The following SCYL3 variants were observed in gnomAD, a reference collection of about 807,000 sequenced individuals.
The protein encoded by SCYL3 is SCY1 like pseudokinase 3.
In SCYL3, 35 loss-of-function variants were observed where a neutral mutation model predicts 73.8. The observed-to-expected ratio is 0.47, with a 90% confidence interval of 0.36 to 0.63. The LOEUF (loss-of-function observed/expected upper bound fraction) is 0.63, where lower values mean the gene tolerates loss of function less well. Among genes scored for constraint, SCYL3 ranks in the 20% least tolerant of loss-of-function variants. SCYL3 has a pLI of 0.00. For missense variants in SCYL3, 712 were observed against 798.9 expected, an observed-to-expected ratio of 0.89 and a Z score of 1.31; for synonymous variants, 277 against 295.2, an observed-to-expected ratio of 0.94 and a Z score of 0.63.
intron 8 of SCYL3, among the ~76,000 whole-genome samples, 178 bp from the exon 9 acceptor site, chr1:169,864,686 G>T (rs1220921309): frequency 6.6e-6 from 1 of 152,178 alleles, no homozygotes; most frequent in Non-Finnish European, 1.5e-5. Flanking sequence ...GTGGCTGGGT[G>T]CAGTGGCTCA....
chr1:169,854,941 T>C lies in SCYL3; in HGVS notation c.1336A>G (p.Lys446Glu). ...TCTGAGAGTCCATTTATGGGAAATT[T>C]AATAGGCTGAGAAAATGGATCGCCT... ...LEGDPFSQPI[K>E]FPINGLSDVK... Residue 446 changes from lysine (K) to glutamate (E), a missense_variant, in exon 12 of 13, where the codon AAA (lysine) becomes GAA (glutamate). Physicochemically the swap from Lys to Glu is moderately conservative, Grantham distance 56. This residue lies in a region of SCYL3 where 370 missense variants were observed against 350.8 expected (regional missense o/e 1.05). Transcript: ENST00000367771. The C allele has an allele frequency of 1.9e-6, 3 of 1,608,136 alleles. No homozygotes were observed. Among genetic ancestry groups the C allele is most frequent in the Non-Finnish European group, 2.5e-6 (3 of 1,177,394 alleles).
In SCYL3 at chr1:169,876,094, G is replaced by GT; in HGVS notation, c.352-4_352-3insA. On this transcript the variant is annotated splice_region_variant and splice_polypyrimidine_tract_variant and intron_variant, in intron 3 of 12. Coordinates refer to ENST00000367771, the MANE Select transcript of SCYL3 (RefSeq NM_020423.7). The stretch of plus-strand genomic sequence containing the variant: ...ACATTATTGTGTGTTAGGTGTCCCT[G>GT]GAAAAAAAAAAGAACAGAAGGAAGA... 1 of 1,533,136 alleles carries GT rather than the reference G, an allele frequency of 6.5e-7. No homozygotes were observed. The highest frequency in any genetic ancestry group is 8.8e-7 in the Non-Finnish European group (1 of 1,137,318). 95.0% of individuals were successfully genotyped at this position (1,533,136 alleles called of 1,614,324 possible). A position where few individuals can be genotyped will look rare whatever the true frequency, so the allele number is the denominator to read the frequency against.
At chr1:169,878,488 G>A (rs1209506852) in intron 3 of SCYL3, 146 bp downstream of exon 3, 2 of 662,236 alleles carry the variant, frequency 3.0e-6, no homozygotes, top group Non-Finnish European at 4.9e-6. Flanking sequence ...CTTCCAACAT[G>A]CTATTTTTCC....
At chr1:169,856,562 C>T (rs1270800030) in intron 11 of SCYL3, among the ~76,000 whole-genome samples, 1 of 152,104 alleles carries the variant, frequency 6.6e-6, no homozygotes, top group Non-Finnish European at 1.5e-5. Flanking sequence ...GATTAGGTCC[C>T]CAGCTCTCTT....
Position 169,851,808 on chromosome 1 carries a change from C to A in SCYL3, c.*1905G>T. On this transcript the variant is annotated 3_prime_UTR_variant, in exon 13 of 13. Transcript: ENST00000367771. Reference sequence around the variant, plus strand: ...TGCTATTTGCTTGGTTTTTCATGGTCCCTGGCAGACTGGGTTTGTAGATGA... The same window carrying A: ...TGCTATTTGCTTGGTTTTTCATGGTACCTGGCAGACTGGGTTTGTAGATGA... The A allele has an allele frequency of 6.2e-7, 1 of 1,612,938 alleles. No homozygotes were observed. The highest frequency in any genetic ancestry group is 1.1e-5 in the South Asian group (1 of 90,896).
rs1369392525 is a variant in SCYL3, at chr1:169,868,993, A to T, written c.672T>A (p.Thr224=). ...LSSFQQTLHS[T]LLNPIPKCRP... ...GACATTTTGGAATGGGATTCAGCAA[A>T]GTTGAGTGCAAGGTCTGTTGAAAGC... The change falls in exon 7 of 13, where the codon ACT becomes ACA. Residue 224 remains threonine, a synonymous_variant. Coordinates refer to ENST00000367771, the MANE Select transcript of SCYL3 (RefSeq NM_020423.7). 1 of 1,614,194 alleles carries T rather than the reference A, an allele frequency of 6.2e-7. No homozygotes were observed.
chr1:169,881,012 T>A (rs2102197305), intron 2 of SCYL3, among the ~76,000 whole-genome samples: 1 of 152,316 alleles, frequency 6.6e-6, no homozygotes, highest in South Asian at 2.1e-4. Flanking sequence ...TCCGCCCACC[T>A]CAGCCTCCCC....
chr1:169,854,821 T>C lies in SCYL3; in HGVS notation c.1456A>G (p.Asn486Asp). ...CAAATCTGTATGTTGACAGTTTGAT[T>C]TTCAGGCTCCTCAGGTTCACTCCAG... ...PDWSEPEEPE[N>D]QTVNIQIWPR... Residue 486 changes from asparagine to aspartate, a missense_variant, in exon 12 of 13, where the codon AAT becomes GAT. Asn to Asp is a conservative substitution (Grantham distance 23). This residue lies in a region of SCYL3 where 370 missense variants were observed against 350.8 expected (regional missense o/e 1.05). Transcript: ENST00000367771. The C allele has an allele frequency of 6.2e-7, 1 of 1,614,028 alleles. No homozygotes were observed. The highest frequency in any genetic ancestry group is 8.5e-7 in the Non-Finnish European group (1 of 1,179,942).
chr1:169,882,453 G>A lies in SCYL3; in HGVS notation c.166-3634C>T, dbSNP rs535415792. 5.9e-5 allele frequency among the ~76,000 whole-genome samples: 9 copies of A among 152,274 alleles called. No homozygotes were observed. The East Asian group carries it at 1.2e-3, about 20-fold the overall frequency. ...TGACCAGCGCCGCCCCCTGCTCCAC[G>A]GAGCCCAGTCCCATCGACCACCCAA... On this transcript the variant is annotated intron_variant, in intron 2 of 12. Transcript: ENST00000367771.
intron 5 of SCYL3, among the ~76,000 whole-genome samples, chr1:169,872,535 C>G (rs1314367767): frequency 6.6e-6 from 1 of 152,204 alleles, no homozygotes; most frequent in Admixed American, 6.5e-5. Context: ...CCTAATGGAG[C>G]TGTGAGAAGG....
intron 2 of SCYL3, among the ~76,000 whole-genome samples, chr1:169,882,667 C>T (rs954350581): frequency 5.3e-5 from 8 of 152,184 alleles, no homozygotes; most frequent in African/African-American, 9.7e-5. Flanking sequence ...GGTTTGCAAA[C>T]ACACCAATCA....
intron 8 of SCYL3, among the ~76,000 whole-genome samples, chr1:169,866,591 T>C (rs1660046376): frequency 1.3e-5 from 2 of 152,216 alleles, no homozygotes; most frequent in African/African-American, 4.8e-5. Flanking sequence ...CATTTGTTCA[T>C]GTTGCCCCTC....
intron 7 of SCYL3, 126 bp downstream of exon 7, chr1:169,868,802 A>G (rs984668040): frequency 8.1e-6 from 5 of 620,734 alleles, no homozygotes; most frequent in South Asian, 8.0e-5. Flanking sequence ...AATCTCTCCT[A>G]ATAATTAACA....
At chr1:169,853,914 C>T (rs1271409699) in intron 12 of SCYL3, 142 bp from the exon 13 acceptor site, 2 of 893,440 alleles carry the variant, frequency 2.2e-6, no homozygotes, top group African/African-American at 1.8e-5. Flanking sequence ...TAACTTAGAG[C>T]TCTAACAGAA....
chr1:169,879,070 A>T (rs1008586405), intron 2 of SCYL3, among the ~76,000 whole-genome samples: 3 of 152,218 alleles, frequency 2.0e-5, no homozygotes, highest in African/African-American at 7.2e-5. Flanking sequence ...TAAGCCTCAT[A>T]AGAGCCCAGA....
intron 1 of SCYL3, among the ~76,000 whole-genome samples, chr1:169,889,515 G>A (rs1277269142): frequency 2.6e-5 from 4 of 152,032 alleles, no homozygotes; most frequent in Admixed American, 6.5e-5. Context: ...GAAAAAGTAC[G>A]ATCGCACTAC....
intron 12 of SCYL3, 115 bp downstream of exon 12, chr1:169,854,155 G>GCTTGACTTGACA (rs1658872336): frequency 1.3e-6 from 1 of 751,936 alleles, no homozygotes; most frequent in South Asian, 2.1e-5. Context: ...TTAATTTTGT[G>GCTTGACTTGACA]CTTGACTTGA....
chr1:169,876,776 A>C (rs1436878563), intron 3 of SCYL3, among the ~76,000 whole-genome samples: 2 of 152,050 alleles, frequency 1.3e-5, no homozygotes, highest in African/African-American at 2.4e-5. Context: ...TAACACGGTG[A>C]AACCGCGTCT....
Position 169,853,373 on chromosome 1 carries a change from C to A in SCYL3, c.*340G>T. On this transcript the variant is annotated 3_prime_UTR_variant, in exon 13 of 13. Coordinates refer to ENST00000367771, the MANE Select transcript of SCYL3 (RefSeq NM_020423.7). ...AAAGAATGGCACAAAATTAAGCTAA[C>A]CAGCTTGAATTACATTTTCTTTACT... is the stretch of plus-strand genomic sequence containing the variant. 1 of 328,654 alleles carries A rather than the reference C, an allele frequency of 3.0e-6. No individual in the cohort carries two copies. The highest frequency in any genetic ancestry group is 5.5e-6 in the Non-Finnish European group (1 of 181,430). The allele number at this position is 328,654 out of a possible 1,614,324, so 20.4% of individuals were successfully genotyped here.
Sources: allele counts gnomAD v4.1 joint callset (sites outside exome capture counted in the v4.1 genomes callset), GRCh38; gene constraint gnomAD v4.1.1; regional missense constraint gnomAD v4.1.1; transcripts MANE v1.5; gene names NCBI Gene and HGNC (gene_info 2026-07-23, HGNC 2026-07-21).